FAM221B: variants seen among roughly 807,000 people sequenced by gnomAD.
FAM221B encodes the protein protein FAM221B.
Under a neutral mutation model 39.8 loss-of-function variants are expected in FAM221B, and 35 were observed. The ratio of observed to expected loss-of-function variants is 0.88; its 90% CI spans 0.67 to 1.17. The LOEUF (loss-of-function observed/expected upper bound fraction) is 1.17, where lower values mean the gene tolerates loss of function less well. Among genes scored for constraint, FAM221B ranks in the 50% most tolerant of loss-of-function variants. The pLI is 0.00. For missense variants in FAM221B, 479 were observed against 503.1 expected, an observed-to-expected ratio of 0.95 and a Z score of 0.46; for synonymous variants, 158 against 178.1, an observed-to-expected ratio of 0.89 and a Z score of 0.90.
intron 1 of FAM221B, 91 bp from the exon 2 acceptor site, chr9:35,826,252 A>C (rs954349190): frequency 1.3e-5 from 12 of 953,254 alleles, no homozygotes; most frequent in Non-Finnish European, 1.7e-5. Context: ...TGCATTATGG[A>C]ATTTGGATAA....
intron 3 of FAM221B, among the ~76,000 whole-genome samples, chr9:35,822,937 T>G (rs1829182727): frequency 6.6e-6 from 1 of 152,262 alleles, no homozygotes; most frequent in Non-Finnish European, 1.5e-5. Context: ...TGACTCTCAG[T>G]TGCCCTCAGG....
rs2132133028 is a variant in FAM221B, at chr9:35,817,630, A to G, written c.*839T>C. On this transcript the variant is annotated 3_prime_UTR_variant, in exon 7 of 7. Transcript: ENST00000423537. ...ATGAGGTTTTTCTCCAGTTCCCTACATTAGCCTTCCCAAACCTTCCCCTTT... is the reference window on the plus strand; with the variant it reads ...ATGAGGTTTTTCTCCAGTTCCCTACGTTAGCCTTCCCAAACCTTCCCCTTT... The G allele has an allele frequency of 6.6e-6, 1 of 152,408 alleles. No homozygotes were observed. Among genetic ancestry groups the G allele is most frequent in the South Asian group, 2.1e-4 (1 of 4,826 alleles). The allele number at this position is 152,408 out of a possible 1,614,324, so 9.4% of individuals were successfully genotyped here.
At chr9:35,821,713 C>T in intron 3 of FAM221B, 1 of 904,646 alleles carries the variant, frequency 1.1e-6, no homozygotes, top group Non-Finnish European at 1.6e-6. Context: ...CAGTCAAGTC[C>T]AAGCACTAGT....
At chr9:35,822,210 C>T (rs187770626) in intron 3 of FAM221B, among the ~76,000 whole-genome samples, 1 of 152,238 alleles carries the variant, frequency 6.6e-6, no homozygotes, top group East Asian at 1.9e-4. Context: ...ATCCTTTGTC[C>T]TCTGTTCATC....
intron 5 of FAM221B, 68 bp downstream of exon 5, chr9:35,819,129 A>G (rs536743351): frequency 3.1e-5 from 47 of 1,532,746 alleles, no homozygotes; most frequent in South Asian, 1.1e-4. Context: ...GCTCTCCATC[A>G]TTATCCCCAG....
At chr9:35,826,694 C>A (rs996282532) in intron 1 of FAM221B, 1 of 155,286 alleles carries the variant, frequency 6.4e-6, no homozygotes, top group African/African-American at 2.4e-5. Context: ...CATTCATGTT[C>A]AAAGCTTTAA....
intron 3 of FAM221B, chr9:35,821,686 C>T: frequency 7.9e-7 from 1 of 1,272,294 alleles, no homozygotes; most frequent in Non-Finnish European, 1.1e-6. Context: ...TCAAGGCCTG[C>T]TCGGAGGGCC....
At chr9:35,820,059 C>A (rs1829116611) in intron 3 of FAM221B, 59 bp from the exon 4 acceptor site, 1 of 1,256,468 alleles carries the variant, frequency 8.0e-7, no homozygotes, top group Non-Finnish European at 1.2e-6. Flanking sequence ...CCGAAGTGTT[C>A]TTACCTATCC....
rs1248948863 is a variant in FAM221B, at chr9:35,828,360, A to G, written c.-1+103T>C. 3 of 191,906 alleles carry G rather than the reference A, an allele frequency of 1.6e-5. No individual in the cohort carries two copies. The highest frequency in any genetic ancestry group is 1.9e-5 in the Non-Finnish European group (2 of 104,960). The allele number at this position is 191,906 out of a possible 1,614,324, so 11.9% of individuals were successfully genotyped here. On this transcript the variant is annotated intron_variant, in intron 1 of 6. Coordinates refer to ENST00000423537, the MANE Select transcript of FAM221B (RefSeq NM_001012446.4). This position sits in a 1 kb window ranked among gnomAD's most constrained non-coding sequence, Gnocchi z 4.5. ...TACTACTACTACTACTACTACTACT[A>G]CTACTACTACTACTACTACAACAAT...
intron 3 of FAM221B, among the ~76,000 whole-genome samples, chr9:35,822,417 C>A (rs767979683): frequency 6.6e-6 from 1 of 151,894 alleles, no homozygotes; most frequent in Non-Finnish European, 1.5e-5. Flanking sequence ...TGTTTCTTTT[C>A]TTTCTTTTTT....
In FAM221B at chr9:35,825,748, T is replaced by A; in HGVS notation, c.414A>T (p.Pro138=). 6.2e-7 allele frequency: 1 copy of A among 1,614,220 alleles called. No homozygotes were observed. Among genetic ancestry groups the A allele is most frequent in the Non-Finnish European group, 8.5e-7 (1 of 1,180,030 alleles). The change falls in exon 2 of 7, where the codon CCA becomes CCT. Residue 138 remains proline, a synonymous_variant. Coordinates refer to ENST00000423537, the MANE Select transcript of FAM221B (RefSeq NM_001012446.4). The surrounding 1 kb of genome is among the most constrained non-coding windows in gnomAD (Gnocchi z 4.2). ...LSSESSSNEV[P]WTRRSTHLSE... Reference sequence around the variant, plus strand: ...AGAGATGGGTAGACCTCCTTGTCCATGGGACCTCATTGGAAGAAGACTCAG... The same window carrying A: ...AGAGATGGGTAGACCTCCTTGTCCAAGGGACCTCATTGGAAGAAGACTCAG...
At position 35,825,438 on chromosome 9, in the gene FAM221B, C is replaced by G; in HGVS notation, c.599-65G>C. The G allele has an allele frequency of 6.2e-7, 1 of 1,606,796 alleles. No individual in the cohort carries two copies. Among genetic ancestry groups the G allele is most frequent in the Non-Finnish European group, 8.5e-7 (1 of 1,176,134 alleles). On this transcript the variant is annotated intron_variant, in intron 2 of 6. Coordinates refer to ENST00000423537, the MANE Select transcript of FAM221B (RefSeq NM_001012446.4). The surrounding 1 kb of genome is among the most constrained non-coding windows in gnomAD (Gnocchi z 4.2). ...AGGCCCTAAAACTAAGAGAAGGGGC[C>G]ATGTCCAAGAGTAACCCAGTCTCCT...
At chr9:35,821,923 C>A (rs111489288) in intron 3 of FAM221B, among the ~76,000 whole-genome samples, 6 of 152,128 alleles carry the variant, frequency 3.9e-5, no homozygotes, top group Admixed American at 2.0e-4. Flanking sequence ...CAAGGCCTGG[C>A]GGGGGAGGAG....
Position 35,828,449 on chromosome 9 carries a change from G to C in FAM221B, c.-1+14C>G. On this transcript the variant is annotated intron_variant, in intron 1 of 6. Transcript: ENST00000423537. The surrounding 1 kb of genome is among the most constrained non-coding windows in gnomAD (Gnocchi z 4.5). ...TGAGGGAAGAGGGCAAGGGCCGTTG[G>C]AGAAACCACCTACCCTCTGGGCTTT... is the stretch of plus-strand genomic sequence containing the variant. The C allele has an allele frequency of 2.0e-6, 2 of 984,372 alleles. No homozygotes were observed. Among genetic ancestry groups the C allele is most frequent in the Non-Finnish European group, 2.4e-6 (2 of 828,976 alleles). The allele number at this position is 984,372 out of a possible 1,614,324, so 61.0% of individuals were successfully genotyped here.
Position 35,825,564 on chromosome 9 carries a change from C to G in FAM221B, c.598G>C (p.Gly200Arg). Residue 200 changes from glycine (G) to arginine (R), a missense_variant and splice_region_variant, in exon 2 of 7, where the codon GGT becomes CGT. Physicochemically the swap from Gly to Arg is moderately radical, Grantham distance 125 (BLOSUM62 -2). Coordinates refer to ENST00000423537, the MANE Select transcript of FAM221B (RefSeq NM_001012446.4). This position sits in a 1 kb window ranked among gnomAD's most constrained non-coding sequence, Gnocchi z 4.2. Reference sequence around the variant, plus strand: ...ACTCCTTTCTTCTTCTTCTTCTTGCCTAGTTGGTGTCCAGGTTGGGCTGTG... The same window carrying G: ...ACTCCTTTCTTCTTCTTCTTCTTGCGTAGTTGGTGTCCAGGTTGGGCTGTG... Reference protein sequence around the residue: ...AHTAQPGHQLGNTARPVFPAR... With the variant: ...AHTAQPGHQLRNTARPVFPAR... 1 of 1,608,438 alleles carries G rather than the reference C, an allele frequency of 6.2e-7. No individual in the cohort carries two copies. Among genetic ancestry groups the G allele is most frequent in the Non-Finnish European group, 8.5e-7 (1 of 1,177,076 alleles).
chr9:35,818,544 T>C (rs1829063272), intron 6 of FAM221B, 38 bp from the exon 7 acceptor site: 2 of 1,546,700 alleles, frequency 1.3e-6, no homozygotes, highest in African/African-American at 2.7e-5. Context: ...GGGTCAGGTA[T>C]GGGGGTCAGA....
At chr9:35,819,563 G>A (rs1371373093) in intron 4 of FAM221B, among the ~76,000 whole-genome samples, 169 bp from the exon 5 acceptor site, 1 of 151,808 alleles carries the variant, frequency 6.6e-6, no homozygotes, top group Non-Finnish European at 1.5e-5. Flanking sequence ...CATGATCTCA[G>A]TTCACTGCAA....
At position 35,825,493 on chromosome 9, in the gene FAM221B, A is replaced by G; in HGVS notation, c.598+71T>C. The G allele has an allele frequency of 1.3e-6, 2 of 1,574,026 alleles. No homozygotes were observed. Among genetic ancestry groups the G allele is most frequent in the South Asian group, 1.2e-5 (1 of 86,400 alleles). On this transcript the variant is annotated intron_variant, in intron 2 of 6. Transcript: ENST00000423537. The surrounding 1 kb of genome is among the most constrained non-coding windows in gnomAD (Gnocchi z 4.2). ...CTGGGGCAAGTCAAGGACAGTGAATAGTAGTGAGAACAGGACAGGGGAGAG... is the reference window on the plus strand; with the variant it reads ...CTGGGGCAAGTCAAGGACAGTGAATGGTAGTGAGAACAGGACAGGGGAGAG...
chr9:35,819,496 G>A (rs1476396322), intron 4 of FAM221B, 102 bp from the exon 5 acceptor site: 1 of 1,074,218 alleles, frequency 9.3e-7, no homozygotes, highest in Non-Finnish European at 1.3e-6. Flanking sequence ...ACGCAGACAT[G>A]CTTTTTTTTT....
Sources: gnomAD v4.1 joint callset for allele counts (sites outside exome capture counted in the v4.1 genomes callset) on GRCh38, gnomAD v4.1.1 for gene constraint, Gnocchi (gnomAD v3.1) non-coding constraint, MANE v1.5 for transcripts, NCBI Gene and HGNC (gene_info 2026-07-23, HGNC 2026-07-21) for gene names.